DHX36: variants seen among roughly 807,000 people sequenced by gnomAD.
DHX36 encodes ATP-dependent DNA/RNA helicase DHX36.
In DHX36, 50 loss-of-function variants were observed where a neutral mutation model predicts 139.0. That is an observed-to-expected ratio of 0.36 (90% CI 0.29 to 0.46). DHX36 has a LOEUF of 0.46. DHX36 is among the 20% of genes least tolerant of loss of function. The pLI is 1.00. For synonymous variants in DHX36, 425 were observed against 401.9 expected, an observed-to-expected ratio of 1.06 and a Z score of -0.69; for missense variants, 1,024 against 1,211.3, an observed-to-expected ratio of 0.85 and a Z score of 2.29.
chr3:154,316,542 A>C (rs1253367191), intron 1 of DHX36, among the ~76,000 whole-genome samples: 2 of 152,108 alleles, frequency 1.3e-5, no homozygotes, highest in African/African-American at 4.8e-5. Context: ...TTTACGAAAA[A>C]AGTTGAAAAC....
chr3:154,285,264 C>A (rs1435721232), intron 17 of DHX36, among the ~76,000 whole-genome samples: 1 of 151,998 alleles, frequency 6.6e-6, no homozygotes, highest in Non-Finnish European at 1.5e-5. Flanking sequence ...AATAAAGTCA[C>A]CTAATAAAGT....
In DHX36 at chr3:154,309,677, C is replaced by T; in HGVS notation, c.789G>A (p.Gln263=). Residue 263 remains glutamine, a synonymous_variant, in exon 5 of 25, where the codon CAG becomes CAA. Coordinates refer to ENST00000496811, the MANE Select transcript of DHX36 (RefSeq NM_020865.3). ...KGSACRIVCT[Q]PRRISAISVA... ...CTGAAATGGCACTAATTCTTCTTGG[C>T]TGAGTACAAACTATTCTGCAAGCAG... 1 of 1,604,602 alleles carries T rather than the reference C, an allele frequency of 6.2e-7. No individual in the cohort carries two copies. The highest frequency in any genetic ancestry group is 1.3e-5 in the African/African-American group (1 of 74,494).
In DHX36 at chr3:154,280,599, A is replaced by C. The variant is rs527309363; in HGVS notation, c.2547T>G (p.Asn849Lys). The C allele has an allele frequency of 2.5e-6, 4 of 1,611,274 alleles. No homozygotes were observed. Among genetic ancestry groups the C allele is most frequent in the Non-Finnish European group, 3.4e-6 (4 of 1,178,928 alleles). ...LYPKVAKIRL[N>K]LGKKRKMVKV... ...CTTACATTTTTCTTTTTTTACCCAA[A>C]TTTAGTCGAATTTTAGCAACTTTGG... is the stretch of plus-strand genomic sequence containing the variant. The change falls in exon 22 of 25, where the codon AAT becomes AAG. Residue 849 changes from asparagine to lysine, a missense_variant. Transcript: ENST00000496811.
chr3:154,307,185 G>C (rs1403125600), intron 5 of DHX36, among the ~76,000 whole-genome samples: 1 of 151,888 alleles, frequency 6.6e-6, no homozygotes, highest in Non-Finnish European at 1.5e-5. Flanking sequence ...GAAAACCTAG[G>C]GAAAAACTCC....
At chr3:154,286,111 C>A (rs1304149615) in intron 17 of DHX36, among the ~76,000 whole-genome samples, 1 of 137,196 alleles carries the variant, frequency 7.3e-6, no homozygotes, top group East Asian at 2.1e-4. Flanking sequence ...AACTGATTAT[C>A]CATACAAGAT....
chr3:154,282,806 T>G (rs1176761341), intron 20 of DHX36, among the ~76,000 whole-genome samples: 2 of 152,178 alleles, frequency 1.3e-5, no homozygotes, highest in Admixed American at 1.3e-4. Flanking sequence ...TTCTTCTGTT[T>G]TACAAATGCT....
chr3:154,321,762 C>T (rs1713193131), intron 1 of DHX36, among the ~76,000 whole-genome samples: 1 of 152,078 alleles, frequency 6.6e-6, no homozygotes, highest in Non-Finnish European at 1.5e-5. Context: ...AGCTCAAGAC[C>T]AGCCTGGCCA....
intron 8 of DHX36, among the ~76,000 whole-genome samples, chr3:154,304,141 G>C (rs754940421): frequency 1.3e-5 from 2 of 152,046 alleles, no homozygotes; most frequent in Non-Finnish European, 2.9e-5. Flanking sequence ...GTATTTTAAA[G>C]GACTTTTAAA....
chr3:154,302,788 C>G (rs779989154), intron 9 of DHX36, among the ~76,000 whole-genome samples: 1 of 152,160 alleles, frequency 6.6e-6, no homozygotes, highest in Non-Finnish European at 1.5e-5. Context: ...TCAAAAAACA[C>G]TGACACCAGC....
chr3:154,286,875 G>A (rs886350125), intron 17 of DHX36, among the ~76,000 whole-genome samples: 5 of 151,936 alleles, frequency 3.3e-5, no homozygotes. Flanking sequence ...GAGTGCAGTG[G>A]TGCAAGCACA....
chr3:154,298,941 A>G (rs1381993897), intron 12 of DHX36, among the ~76,000 whole-genome samples: 1 of 151,842 alleles, frequency 6.6e-6, no homozygotes, highest in Non-Finnish European at 1.5e-5. Context: ...TAAATAATTA[A>G]TTTTGTCAAA....
intron 12 of DHX36, among the ~76,000 whole-genome samples, chr3:154,297,796 G>C (rs1712101793): frequency 1.3e-5 from 2 of 151,600 alleles, no homozygotes; most frequent in South Asian, 4.2e-4. Flanking sequence ...GATAATAAAA[G>C]TAAAAACAAT....
intron 5 of DHX36, among the ~76,000 whole-genome samples, chr3:154,308,265 A>C (rs541331586): frequency 6.6e-6 from 1 of 152,286 alleles, no homozygotes; most frequent in South Asian, 2.1e-4. Flanking sequence ...TCTTTATAGT[A>C]CTTCTTAGAA....
intron 5 of DHX36, among the ~76,000 whole-genome samples, chr3:154,308,957 G>A (rs1475828183): frequency 2.0e-5 from 3 of 152,148 alleles, no homozygotes. Flanking sequence ...GGAGGCTGAA[G>A]TGGGCAGATC....
At chr3:154,316,796 C>G (rs1228224803) in intron 1 of DHX36, among the ~76,000 whole-genome samples, 6 of 146,976 alleles carry the variant, frequency 4.1e-5, no homozygotes, top group Non-Finnish European at 7.5e-5. Flanking sequence ...AAGAAATGTC[C>G]AAGGTGAAAA....
chr3:154,302,852 CA>C (rs1712352820), intron 9 of DHX36, among the ~76,000 whole-genome samples: 1 of 152,022 alleles, frequency 6.6e-6, no homozygotes. Flanking sequence ...CTGAGGCAGG[CA>C]AATCACTTGA....
chr3:154,292,702 G>A lies in DHX36; in HGVS notation c.1671-8C>T, dbSNP rs748819106. On this transcript the variant is annotated splice_polypyrimidine_tract_variant and splice_region_variant and intron_variant, in intron 14 of 24. Transcript: ENST00000496811. ...ACATCATCTATGGTAATGCTGTTTG[G>A]AAAACAGATATATAAAATGTTAAAA... is the stretch of plus-strand genomic sequence containing the variant. 9 of 1,604,094 alleles carry A rather than the reference G, an allele frequency of 5.6e-6. No individual in the cohort carries two copies. In the East Asian group the frequency reaches 9.0e-5, roughly 16 times the overall value.
At chr3:154,286,317 AAAG>A (rs1367317965) in intron 17 of DHX36, among the ~76,000 whole-genome samples, 1 of 151,640 alleles carries the variant, frequency 6.6e-6, no homozygotes, top group East Asian at 1.9e-4. Context: ...GAAACTTAAA[AAAG>A]AATAAATAAA....
chr3:154,315,956 T>G (rs1712960905), intron 2 of DHX36, 83 bp downstream of exon 2: 6 of 1,453,504 alleles, frequency 4.1e-6, no homozygotes, highest in Non-Finnish European at 5.5e-6. Context: ...TAAAATTCAC[T>G]TATCGAAGAA....
Sources: gnomAD v4.1 joint callset for allele counts (sites outside exome capture counted in the v4.1 genomes callset) on GRCh38, gnomAD v4.1.1 for gene constraint, MANE v1.5 for transcripts, NCBI Gene and HGNC (gene_info 2026-07-23, HGNC 2026-07-21) for gene names.